PCDHA5: variants seen among roughly 807,000 people sequenced by gnomAD.
PCDHA5 encodes protocadherin alpha 5, also known as protocadherin alpha-5.
Under a neutral mutation model 61.6 loss-of-function variants are expected in PCDHA5, and 43 were observed. That is an observed-to-expected ratio of 0.70 (90% CI 0.55 to 0.90). The LOEUF is 0.90. Ranked by LOEUF, PCDHA5 falls within the 40% of genes least tolerant of loss-of-function variation. PCDHA5 has a pLI of 0.00. For missense variants in PCDHA5, 1,298 were observed against 1,222.7 expected (o/e 1.06, Z -0.92); for synonymous variants, 627 against 543.9 (o/e 1.15, Z -2.13).
chr5:140,835,199 C>T lies in PCDHA5; in HGVS notation c.2352+11072C>T, dbSNP rs2150231734. The T allele has an allele frequency of 7.8e-3, 12,048 of 1,553,200 alleles. 392 individuals are homozygous for T. The African/African-American group carries it at 0.15, about 20-fold the overall frequency. ...CCAATGCCTCAGATTTAGACGAAGGCTTGAATGGGGATATTATTTACTCCT... is the reference window on the plus strand; with the variant it reads ...CCAATGCCTCAGATTTAGACGAAGGTTTGAATGGGGATATTATTTACTCCT... On this transcript the variant is annotated intron_variant, in intron 1 of 3. Coordinates refer to ENST00000529859, the MANE Select transcript of PCDHA5 (RefSeq NM_018908.3).
intron 1 of PCDHA5, among the ~76,000 whole-genome samples, chr5:140,954,144 A>G (rs560378033): frequency 2.0e-5 from 3 of 152,232 alleles, no homozygotes; most frequent in Non-Finnish European, 4.4e-5. Flanking sequence ...ATAGTATTCC[A>G]TGGTGTATAT....
At chr5:140,981,766 T>C (rs1321747581) in intron 2 of PCDHA5, among the ~76,000 whole-genome samples, 7 of 152,144 alleles carry the variant, frequency 4.6e-5, no homozygotes, top group Non-Finnish European at 1.0e-4. Flanking sequence ...CATACATAAA[T>C]GAATACTGCA....
chr5:140,869,312 C>G (rs782161322), intron 1 of PCDHA5: 14 of 1,613,636 alleles, frequency 8.7e-6, no homozygotes, highest in Admixed American at 3.3e-5. Flanking sequence ...GCGTCCAAAA[C>G]ACATGGGGAC....
chr5:140,828,034 A>T, intron 1 of PCDHA5: 1 of 1,527,332 alleles, frequency 6.5e-7, no homozygotes, highest in Middle Eastern at 1.8e-4. Flanking sequence ...CGGAACATAC[A>T]GTATTTTATC....
rs140457638 is a variant in PCDHA5, at chr5:140,883,730, G to T, written c.2352+59603G>T. On this transcript the variant is annotated intron_variant, in intron 1 of 3. Coordinates refer to ENST00000529859, the MANE Select transcript of PCDHA5 (RefSeq NM_018908.3). ...TCAGGACGCGGACGCACAGGAGAAC[G>T]CGCTGGTCTCCTACTCGCTGGTGGA... 4.3e-6 allele frequency: 7 copies of T among 1,613,530 alleles called. No homozygotes were observed. The East Asian group carries it at 1.6e-4, about 36-fold the overall frequency.
chr5:140,932,125 A>G (rs1272736604), intron 1 of PCDHA5, among the ~76,000 whole-genome samples: 1 of 151,932 alleles, frequency 6.6e-6, no homozygotes, highest in African/African-American at 2.4e-5. Context: ...ATAATATTTA[A>G]GATATAAACA....
At chr5:140,917,334 G>GGGGGGGGGGGGGGT in intron 1 of PCDHA5, among the ~76,000 whole-genome samples, 1 of 147,630 alleles carries the variant, frequency 6.8e-6, no homozygotes, top group Non-Finnish European at 1.5e-5. Flanking sequence ...CGGGGGAGGG[G>GGGGGGGGGGGGGGT]GGGGATGGTG....
intron 1 of PCDHA5, chr5:140,856,456 A>T: frequency 6.3e-7 from 1 of 1,598,478 alleles, no homozygotes; most frequent in Non-Finnish European, 8.6e-7. Flanking sequence ...CCGTAACAGA[A>T]CAAAAGCTCT....
chr5:140,882,169 C>A, intron 1 of PCDHA5: 1 of 1,511,484 alleles, frequency 6.6e-7, no homozygotes, highest in Non-Finnish European at 8.8e-7. Flanking sequence ...TCTTGCGAAT[C>A]CTTCCGCACT....
chr5:140,858,914 A>C, intron 1 of PCDHA5: 1 of 181,616 alleles, frequency 5.5e-6, no homozygotes, highest in Non-Finnish European at 1.1e-5. Flanking sequence ...CACAGCTTAT[A>C]CTGCCATAGT....
intron 1 of PCDHA5, chr5:140,863,096 G>A (rs1554157719): frequency 5.2e-6 from 3 of 578,170 alleles, no homozygotes; most frequent in South Asian, 1.4e-5. Flanking sequence ...AGCACGACGA[G>A]TACCCTGGAC....
At chr5:140,870,473 C>G (rs1232580918) in intron 1 of PCDHA5, 1 of 1,614,124 alleles carries the variant, frequency 6.2e-7, no homozygotes, top group Non-Finnish European at 8.5e-7. Context: ...TTCGCACAGC[C>G]CGAGTACACC....
intron 1 of PCDHA5, among the ~76,000 whole-genome samples, chr5:140,945,071 C>A (rs246061): frequency 0.56 from 85,726 of 151,850 alleles, 24,797 homozygotes; most frequent in African/African-American, 0.69. Context: ...CAGACTCCAC[C>A]AAAACACTCT....
At chr5:140,827,751 A>G (rs1042537748) in intron 1 of PCDHA5, among the ~76,000 whole-genome samples, 1 of 152,258 alleles carries the variant, frequency 6.6e-6, no homozygotes, top group Non-Finnish European at 1.5e-5. Context: ...TAGATCCCTT[A>G]CTTTAAATTA....
intron 1 of PCDHA5, chr5:140,861,479 T>C: frequency 2.0e-6 from 1 of 490,568 alleles, no homozygotes; most frequent in Non-Finnish European, 4.2e-6. Context: ...AGAATGGCAT[T>C]TTTGTGAGTT....
At chr5:140,867,122 T>C (rs2049769007) in intron 1 of PCDHA5, 1 of 152,160 alleles carries the variant, frequency 6.6e-6, no homozygotes. Context: ...TTGTTTTAAT[T>C]CAAATATGTG....
At chr5:140,946,506 A>G (rs1231345135) in intron 1 of PCDHA5, among the ~76,000 whole-genome samples, 1 of 151,616 alleles carries the variant, frequency 6.6e-6, no homozygotes, top group Non-Finnish European at 1.5e-5. Context: ...CAGTATGTCA[A>G]AGACCTATCC....
intron 1 of PCDHA5, chr5:140,830,680 T>C (rs2150188813): frequency 4.9e-5 from 17 of 346,496 alleles, no homozygotes; most frequent in African/African-American, 3.6e-4. Context: ...TAGAAATCAC[T>C]GTCCACAATC....
chr5:140,968,782 C>G, intron 1 of PCDHA5: 1 of 1,614,192 alleles, frequency 6.2e-7, no homozygotes, highest in South Asian at 1.1e-5. Flanking sequence ...CACTATCAGC[C>G]TCTGTGGCCA....
Sources: allele counts gnomAD v4.1 joint callset (sites outside exome capture counted in the v4.1 genomes callset), GRCh38; gene constraint gnomAD v4.1.1; transcripts MANE v1.5; gene names NCBI Gene and HGNC (gene_info 2026-07-23, HGNC 2026-07-21).